Variants in MACROD2 observed in about 807,000 individuals in gnomAD.
MACROD2 encodes the protein mono-ADP ribosylhydrolase 2, also known as ADP-ribose glycohydrolase MACROD2.
MACROD2 carries 36 observed loss-of-function variants against 70.4 expected under a neutral mutation model. That is an observed-to-expected ratio of 0.51 (90% CI 0.39 to 0.68). The LOEUF is 0.68. MACROD2 is among the 30% of genes least tolerant of loss of function. The pLI is 0.00. For missense variants in MACROD2, 496 were observed against 538.4 expected (o/e 0.92, Z 0.78); for synonymous variants, 172 against 178.8 (o/e 0.96, Z 0.30).
intron 8 of MACROD2, among the ~76,000 whole-genome samples, chr20:15,735,424 C>A (rs2051005435): frequency 1.3e-5 from 2 of 152,178 alleles, no homozygotes; most frequent in African/African-American, 4.8e-5. Context: ...ACACAAGCCA[C>A]TTTATTAGCA....
chr20:15,226,875 T>C (rs2145975738), intron 5 of MACROD2, among the ~76,000 whole-genome samples: 2 of 152,200 alleles, frequency 1.3e-5, no homozygotes, highest in Middle Eastern at 3.4e-3. Flanking sequence ...AGGCACTTGA[T>C]GACTAAGGGG....
At chr20:14,193,020 A>G (rs539202592) in intron 3 of MACROD2, among the ~76,000 whole-genome samples, 11 of 152,210 alleles carry the variant, frequency 7.2e-5, no homozygotes, top group Non-Finnish European at 7.3e-5. Context: ...GCCTTTGCCT[A>G]GGAGCATCCT....
chr20:14,862,809 A>G (rs184952540), intron 5 of MACROD2, among the ~76,000 whole-genome samples: 1 of 144,992 alleles, frequency 6.9e-6, no homozygotes, highest in East Asian at 2.0e-4. Flanking sequence ...GTCCTTCCTA[A>G]TGGGCACAGA....
At chr20:15,435,147 C>G (rs938222216) in intron 7 of MACROD2, among the ~76,000 whole-genome samples, 4 of 151,986 alleles carry the variant, frequency 2.6e-5, no homozygotes, top group Non-Finnish European at 4.4e-5. Flanking sequence ...AACCAAAAAC[C>G]ACATGTACCC....
intron 5 of MACROD2, among the ~76,000 whole-genome samples, chr20:15,038,579 T>C (rs942867370): frequency 2.6e-5 from 4 of 152,228 alleles, no homozygotes; most frequent in African/African-American, 9.6e-5. Context: ...AGGCCACCTG[T>C]CCATGTGTGT....
chr20:15,253,328 C>T (rs1426660067), intron 6 of MACROD2, among the ~76,000 whole-genome samples: 4 of 152,168 alleles, frequency 2.6e-5, no homozygotes, highest in Admixed American at 6.5e-5. Flanking sequence ...ATGATATTTA[C>T]TATCTGGCCT....
intron 5 of MACROD2, among the ~76,000 whole-genome samples, chr20:14,915,914 A>T (rs1233602492): frequency 4.6e-5 from 7 of 152,144 alleles, no homozygotes; most frequent in Non-Finnish European, 1.0e-4. Context: ...GTAAGTCTGC[A>T]GACCTATGGT....
intron 3 of MACROD2, among the ~76,000 whole-genome samples, chr20:14,435,768 A>G (rs932657558): frequency 6.6e-6 from 1 of 151,182 alleles, no homozygotes; most frequent in African/African-American, 2.4e-5. Context: ...GTGCAGTGGT[A>G]TGATCTTGTT....
intron 5 of MACROD2, among the ~76,000 whole-genome samples, chr20:14,741,911 G>A (rs1355715531): frequency 1.3e-5 from 2 of 152,012 alleles, no homozygotes; most frequent in Admixed American, 6.5e-5. Flanking sequence ...ACTTTCAAGA[G>A]TTATTACTGT....
At chr20:14,940,593 G>T (rs963939525) in intron 5 of MACROD2, among the ~76,000 whole-genome samples, 4 of 152,066 alleles carry the variant, frequency 2.6e-5, no homozygotes, top group Admixed American at 6.6e-5. Context: ...AGTTTTTGGA[G>T]CATTTTATCA....
chr20:14,493,682 A>G, intron 4 of MACROD2, 174 bp downstream of exon 4: 2 of 540,988 alleles, frequency 3.7e-6, no homozygotes, highest in South Asian at 2.3e-5. Context: ...GTTTGCTTAA[A>G]TGTTATTTTA....
intron 13 of MACROD2, chr20:15,985,928 A>G (rs973120048): frequency 6.6e-6 from 1 of 152,200 alleles, no homozygotes; most frequent in Non-Finnish European, 1.5e-5. Context: ...AAGATTTCAC[A>G]TGAAAGGGTC....
intron 1 of MACROD2, among the ~76,000 whole-genome samples, chr20:14,001,261 T>A (rs921340756): frequency 1.3e-5 from 2 of 152,202 alleles, no homozygotes; most frequent in African/African-American, 4.8e-5. Context: ...ATTTTATGAG[T>A]TATTAGGAAG....
intron 4 of MACROD2, among the ~76,000 whole-genome samples, chr20:14,508,634 G>A (rs951011725): frequency 4.6e-5 from 7 of 152,210 alleles, no homozygotes; most frequent in African/African-American, 1.7e-4. Context: ...GTTCTAGGTA[G>A]TAGCAATATA....
intron 5 of MACROD2, among the ~76,000 whole-genome samples, chr20:14,749,541 T>G (rs892226053): frequency 1.3e-5 from 2 of 152,132 alleles, no homozygotes; most frequent in Admixed American, 6.5e-5. Flanking sequence ...CATGATTCTT[T>G]GAACTTCAAA....
intron 8 of MACROD2, among the ~76,000 whole-genome samples, chr20:15,501,293 C>T (rs895263637): frequency 6.6e-6 from 1 of 152,208 alleles, no homozygotes; most frequent in Non-Finnish European, 1.5e-5. Flanking sequence ...GCAAGCGTAT[C>T]AGTGCATATC....
chr20:14,684,781 C>A, intron 4 of MACROD2, 62 bp from the exon 5 acceptor site: 1 of 1,357,914 alleles, frequency 7.4e-7, no homozygotes, highest in Non-Finnish European at 1.0e-6. Context: ...CTCTTCCCAT[C>A]TTGAGCTTTA....
intron 15 of MACROD2, among the ~76,000 whole-genome samples, chr20:16,015,505 T>A (rs6135639): frequency 0.029 from 4,368 of 152,296 alleles, 183 homozygotes; most frequent in East Asian, 0.21. Context: ...CCTGGATATG[T>A]CAAATGTTTA....
chr20:15,595,253 A>G (rs2048731347), intron 8 of MACROD2, among the ~76,000 whole-genome samples: 1 of 152,236 alleles, frequency 6.6e-6, no homozygotes, highest in African/African-American at 2.4e-5. Flanking sequence ...AAAATGGTTA[A>G]GATGGTAAAT....
Sources: gnomAD v4.1 joint callset for allele counts (sites outside exome capture counted in the v4.1 genomes callset) on GRCh38, gnomAD v4.1.1 for gene constraint, MANE v1.5 for transcripts, NCBI Gene and HGNC (gene_info 2026-07-23, HGNC 2026-07-21) for gene names.